The following RBM14 variants were observed in gnomAD, a reference collection of about 807,000 sequenced individuals.
The protein encoded by RBM14 is RNA binding motif protein 14.
Under a neutral mutation model 52.8 loss-of-function variants are expected in RBM14, and 5 were observed. The observed-to-expected ratio is 0.09, with a 90% CI of 0.05 to 0.20. The LOEUF (loss-of-function observed/expected upper bound fraction) is 0.20, where lower values mean the gene tolerates loss of function less well. Among genes scored for constraint, RBM14 ranks in the 10% least tolerant of loss-of-function variants. The pLI is 1.00. For missense variants in RBM14, 780 were observed against 926.6 expected (o/e 0.84, Z 2.05); for synonymous variants, 411 against 401.8 (o/e 1.02, Z -0.28).
Position 66,626,686 on chromosome 11 carries a change from G to A in RBM14, c.*18G>A. Reference sequence around the variant, plus strand: ...GCATGTAGGGCCATCCTGGGATGGGGCACCACAGGGAGGGAGGGAGAAAAG... The same window carrying A: ...GCATGTAGGGCCATCCTGGGATGGGACACCACAGGGAGGGAGGGAGAAAAG... On this transcript the variant is annotated 3_prime_UTR_variant, in exon 3 of 3. Coordinates refer to ENST00000310137, the MANE Select transcript of RBM14 (RefSeq NM_006328.4). The A allele has an allele frequency of 6.3e-7, 1 of 1,583,980 alleles. No individual in the cohort carries two copies. The highest frequency in any genetic ancestry group is 1.1e-5 in the South Asian group (1 of 89,250).
chr11:66,624,266 G>T lies in RBM14; in HGVS notation c.390G>T (p.Ala130=), dbSNP rs374537434. The T allele has an allele frequency of 1.9e-6, 3 of 1,607,980 alleles. No homozygotes were observed. Among genetic ancestry groups the T allele is most frequent in the Middle Eastern group, 1.7e-4 (1 of 6,042 alleles). Residue 130 remains alanine (A), a synonymous_variant, in exon 2 of 3, where the codon GCG becomes GCT. Coordinates refer to ENST00000310137, the MANE Select transcript of RBM14 (RefSeq NM_006328.4). This position sits in a 1 kb window ranked among gnomAD's most constrained non-coding sequence, Gnocchi z 4.7. ...AAGCAGATGCCAAAGCCGCAATCGCGCAGCTCAACGGCAAAGAAGTGAAGG... is the reference window on the plus strand; with the variant it reads ...AAGCAGATGCCAAAGCCGCAATCGCTCAGCTCAACGGCAAAGAAGTGAAGG... The part of the protein sequence containing the change: ...EKEADAKAAI[A]QLNGKEVKGK...
chr11:66,619,150 T>C (rs1674729120), intron 1 of RBM14: 1 of 152,396 alleles, frequency 6.6e-6, no homozygotes, highest in Non-Finnish European at 1.5e-5. Flanking sequence ...GTTGGGAGTG[T>C]AGTAGAAGCG....
chr11:66,626,792 A>G lies in RBM14; in HGVS notation c.*124A>G, dbSNP rs1937837093. 4.3e-6 allele frequency: 4 copies of G among 926,878 alleles called. No individual in the cohort carries two copies. Among genetic ancestry groups the G allele is most frequent in the South Asian group, 1.7e-5 (1 of 57,352 alleles). 57.4% of individuals were successfully genotyped at this position (926,878 alleles called of 1,614,324 possible). A position where few individuals can be genotyped will look rare whatever the true frequency, so the allele number is the denominator to read the frequency against. On this transcript the variant is annotated 3_prime_UTR_variant, in exon 3 of 3. Coordinates refer to ENST00000310137, the MANE Select transcript of RBM14 (RefSeq NM_006328.4). ...GTTGTGGTTTTTCATGCCCTCTACC[A>G]TGTGGGCCTTCCCCAGGAGATGATC...
In RBM14 at chr11:66,625,714, G is replaced by T; in HGVS notation, c.1802+36G>T. On this transcript the variant is annotated intron_variant, in intron 2 of 2. Transcript: ENST00000310137. The surrounding 1 kb of genome is among the most constrained non-coding windows in gnomAD (Gnocchi z 4.2). ...CCCCCCCGCCTCTGCCCCCAGCTGG[G>T]GCTTAGGGCAAGGGGCTGAGGTTGG... The T allele has an allele frequency of 6.6e-7, 1 of 1,508,114 alleles. No homozygotes were observed. The highest frequency in any genetic ancestry group is 2.3e-5 in the East Asian group (1 of 43,926). The allele number at this position is 1,508,114 out of a possible 1,614,324, so 93.4% of individuals were successfully genotyped here.
At chr11:66,621,819 C>T (rs1859125618) in intron 1 of RBM14, among the ~76,000 whole-genome samples, 1 of 152,160 alleles carries the variant, frequency 6.6e-6, no homozygotes. Context: ...TATTCTGTAG[C>T]TGTTCATATC....
chr11:66,626,477 C>T lies in RBM14; in HGVS notation c.1819C>T (p.Arg607Cys). 1.2e-6 allele frequency: 2 copies of T among 1,613,424 alleles called. No homozygotes were observed. The highest frequency in any genetic ancestry group is 1.7e-6 in the Non-Finnish European group (2 of 1,179,832). Residue 607 changes from arginine (R) to cysteine (C), a missense_variant, in exon 3 of 3, where the codon CGT (arginine) becomes TGT (cysteine). By Grantham distance (180) the Arg-to-Cys change is radical (BLOSUM62 -3). Coordinates refer to ENST00000310137, the MANE Select transcript of RBM14 (RefSeq NM_006328.4). ...AMSKRYGSDRRLAELSDYRRL... is the reference protein window; with the variant it reads ...AMSKRYGSDRCLAELSDYRRL... ...CTCGACTAGGTATGGTTCCGACCGG[C>T]GTTTAGCCGAGCTCTCTGATTACCG...
intron 1 of RBM14, chr11:66,617,507 G>A (rs1241201467): frequency 4.0e-6 from 4 of 1,001,240 alleles, no homozygotes; most frequent in Non-Finnish European, 4.8e-6. Context: ...GACGCCCCAA[G>A]GCCGCCCTCC....
chr11:66,624,169 G>A lies in RBM14; in HGVS notation c.338-45G>A. ...CAATTTGGGACCCATCAGGTAGCATGCCCTGCCCCCCTAATTGCTAACCCT... is the reference window on the plus strand; with the variant it reads ...CAATTTGGGACCCATCAGGTAGCATACCCTGCCCCCCTAATTGCTAACCCT... On this transcript the variant is annotated intron_variant, in intron 1 of 2. Transcript: ENST00000310137. This position sits in a 1 kb window ranked among gnomAD's most constrained non-coding sequence, Gnocchi z 4.7. The A allele has an allele frequency of 1.3e-6, 2 of 1,543,970 alleles. No individual in the cohort carries two copies. Among genetic ancestry groups the A allele is most frequent in the South Asian group, 1.3e-5 (1 of 79,914 alleles).
chr11:66,619,475 A>G (rs977006398), intron 1 of RBM14: 2 of 152,234 alleles, frequency 1.3e-5, no homozygotes, highest in Admixed American at 6.5e-5. Flanking sequence ...TCTGAAAGAC[A>G]AAAGAGGAAA....
In RBM14 at chr11:66,628,274, T is replaced by TA. The variant is rs1937905882; in HGVS notation, c.*1607dup. On this transcript the variant is annotated 3_prime_UTR_variant, in exon 3 of 3. Coordinates refer to ENST00000310137, the MANE Select transcript of RBM14 (RefSeq NM_006328.4). ...TGAGTGGGATGATAATGGGAGAACTTACTGATGCTCTTTTGGGAAAAGGTG... is the reference window on the plus strand; with the variant it reads ...TGAGTGGGATGATAATGGGAGAACTTAACTGATGCTCTTTTGGGAAAAGGTG... Among the ~76,000 whole-genome samples the TA allele has an allele frequency of 6.6e-6, 1 of 152,088 alleles. No homozygotes were observed. The highest frequency in any genetic ancestry group is 2.4e-5 in the African/African-American group (1 of 41,404).
In RBM14 at chr11:66,624,830, T is replaced by C. The variant is rs149120005; in HGVS notation, c.954T>C (p.Tyr318=). 8 of 1,613,874 alleles carry C rather than the reference T, an allele frequency of 5.0e-6. No homozygotes were observed. The highest frequency in any genetic ancestry group is 6.8e-6 in the Non-Finnish European group (8 of 1,179,962). The stretch of plus-strand genomic sequence containing the variant: ...CCTCAGCCTCGGCCCTTTCCTCCTA[T>C]GGGGGTCAGGCAGCTGCAGCTTCTT... ...AQPSASALSS[Y]GGQAAAASSL... Residue 318 remains tyrosine (Y), a synonymous_variant, in exon 2 of 3, where the codon TAT becomes TAC. Transcript: ENST00000310137. The surrounding 1 kb of genome is among the most constrained non-coding windows in gnomAD (Gnocchi z 4.7).
rs1303418529 is a variant in RBM14, at chr11:66,624,257, C to T, written c.381C>T (p.Ala127=). ...VHMEKEADAK[A]AIAQLNGKEV... is the part of the protein sequence containing the mutation. ...TGGAGAAGGAAGCAGATGCCAAAGCCGCAATCGCGCAGCTCAACGGCAAAG... is the reference window on the plus strand; with the variant it reads ...TGGAGAAGGAAGCAGATGCCAAAGCTGCAATCGCGCAGCTCAACGGCAAAG... Residue 127 remains alanine (A), a synonymous_variant, in exon 2 of 3, where the codon GCC becomes GCT. Transcript: ENST00000310137. This position sits in a 1 kb window ranked among gnomAD's most constrained non-coding sequence, Gnocchi z 4.7. The T allele has an allele frequency of 1.2e-6, 2 of 1,603,588 alleles. No homozygotes were observed. The highest frequency in any genetic ancestry group is 1.1e-5 in the South Asian group (1 of 90,532).
chr11:66,624,899 T>G lies in RBM14; in HGVS notation c.1023T>G (p.Tyr341Ter). The part of the protein sequence containing the change: ...YGAQGSSLAS[Y>*]GNQPSSYGAQ... ...CTCAGGGTTCCTCCCTTGCCTCCTA[T>G]GGTAACCAGCCATCCTCTTACGGCG... The change falls in exon 2 of 3, where the codon TAT (tyrosine) becomes TAG (stop). Residue 341 changes from tyrosine (Y) to a stop codon, truncating the protein, a stop_gained. Coordinates refer to ENST00000310137, the MANE Select transcript of RBM14 (RefSeq NM_006328.4). LOFTEE classifies it high-confidence loss of function. The surrounding 1 kb of genome is among the most constrained non-coding windows in gnomAD (Gnocchi z 4.7). 6.2e-7 allele frequency: 1 copy of G among 1,613,702 alleles called. No homozygotes were observed. Among genetic ancestry groups the G allele is most frequent in the South Asian group, 1.1e-5 (1 of 91,062 alleles).
Position 66,625,082 on chromosome 11 carries a change from T to TAATGCCCAGCCCTCGGCCTCTTAC in RBM14, c.1216_1239dup (p.Pro406_Gln413dup). 1.2e-6 allele frequency: 2 copies of TAATGCCCAGCCCTCGGCCTCTTAC among 1,613,484 alleles called. No individual in the cohort carries two copies. Among genetic ancestry groups the TAATGCCCAGCCCTCGGCCTCTTAC allele is most frequent in the Admixed American group, 3.3e-5 (2 of 59,972 alleles). ...CTTATGGAGCCCAGGCAGCTTCATA[T>TAATGCCCAGCCCTCGGCCTCTTAC]AATGCCCAGCCCTCGGCCTCTTACA... On this transcript the variant is annotated inframe_insertion, in exon 2 of 3. Coordinates refer to ENST00000310137, the MANE Select transcript of RBM14 (RefSeq NM_006328.4). The surrounding 1 kb of genome is among the most constrained non-coding windows in gnomAD (Gnocchi z 4.2).
intron 1 of RBM14, among the ~76,000 whole-genome samples, chr11:66,619,901 A>G (rs1859026251): frequency 6.6e-6 from 1 of 152,236 alleles, no homozygotes; most frequent in Admixed American, 6.5e-5. Context: ...AGATAGGAGA[A>G]CTTGTTTTTC....
chr11:66,617,215 C>T (rs1202195315), intron 1 of RBM14, 158 bp downstream of exon 1: 18 of 1,430,008 alleles, frequency 1.3e-5, no homozygotes, highest in African/African-American at 2.9e-5. Context: ...GTAGAGCCAC[C>T]CTCCTCCCCT....
At chr11:66,622,712 G>A (rs916164136) in intron 1 of RBM14, among the ~76,000 whole-genome samples, 1 of 152,192 alleles carries the variant, frequency 6.6e-6, no homozygotes, top group Non-Finnish European at 1.5e-5. Context: ...GAAATGACTT[G>A]TTCTGTAGGA....
Position 66,624,747 on chromosome 11 carries a change from A to G in RBM14, c.871A>G (p.Ser291Gly), listed in dbSNP as rs762929266. ...LGAPYRGQLA[S>G]PSSQSAAASS... ...GGCACCATACAGGGGCCAGCTGGCT[A>G]GTCCTAGCTCCCAGTCTGCTGCAGC... Residue 291 changes from serine to glycine, a missense_variant, in exon 2 of 3, where the codon AGT becomes GGT. By Grantham distance (56) the Ser-to-Gly change is moderately conservative. Transcript: ENST00000310137. The surrounding 1 kb of genome is among the most constrained non-coding windows in gnomAD (Gnocchi z 4.7). The G allele has an allele frequency of 1.2e-6, 2 of 1,613,902 alleles. No homozygotes were observed. The highest frequency in any genetic ancestry group is 1.1e-5 in the South Asian group (1 of 91,078).
rs928537085 is a variant in RBM14 at position 66,627,500 on chromosome 11, A to G, written c.*832A>G. ...TAGAAGGATTGCCCTGTGGCCCAGA[A>G]GGATTTAGCTCATCGTCGTCCTGCT... On this transcript the variant is annotated 3_prime_UTR_variant, in exon 3 of 3. Coordinates refer to ENST00000310137, the MANE Select transcript of RBM14 (RefSeq NM_006328.4). Among the ~76,000 whole-genome samples, 1 of 152,208 alleles carries G rather than the reference A, an allele frequency of 6.6e-6. No individual in the cohort carries two copies. The highest frequency in any genetic ancestry group is 1.5e-5 in the Non-Finnish European group (1 of 68,042).
Sources: gnomAD v4.1 joint callset for allele counts (sites outside exome capture counted in the v4.1 genomes callset) on GRCh38, gnomAD v4.1.1 for gene constraint, Gnocchi (gnomAD v3.1) non-coding constraint, MANE v1.5 for transcripts, NCBI Gene and HGNC (gene_info 2026-07-23, HGNC 2026-07-21) for gene names.